LRRC4C: variants seen among roughly 807,000 people sequenced by gnomAD.
The protein encoded by LRRC4C is leucine-rich repeat-containing protein 4C.
Under a neutral mutation model 33.6 loss-of-function variants are expected in LRRC4C, and 5 were observed. The ratio of observed to expected loss-of-function variants is 0.15; its 90% CI spans 0.08 to 0.31. The LOEUF (loss-of-function observed/expected upper bound fraction) is 0.31. LRRC4C is among the 10% of genes least tolerant of loss of function. The pLI, the probability that LRRC4C is intolerant of heterozygous loss-of-function variation, is 1.00. For synonymous variants in LRRC4C, 329 were observed against 302.0 expected, an observed-to-expected ratio of 1.09 and a Z score of -0.93; for missense variants, 560 against 796.7, an observed-to-expected ratio of 0.70 and a Z score of 3.58.
chr11:40,368,784 G>A (rs974461687), intron 3 of LRRC4C, among the ~76,000 whole-genome samples: 38 of 152,054 alleles, frequency 2.5e-4, no homozygotes, highest in East Asian at 3.9e-4. Flanking sequence ...AATGTTACCC[G>A]TCCCCTGGGC....
Position 40,939,906 on chromosome 11 carries a change from T to A in LRRC4C, c.-495-6183A>T, listed in dbSNP as rs142787510. On this transcript the variant is annotated intron_variant, in intron 1 of 6. Transcript: ENST00000528697. Reference sequence around the variant, plus strand: ...GACAGGGGTTTGTTTACTTTGCCCCTGTATTCCCAGCATCAAGGACAGCAC... The same window carrying A: ...GACAGGGGTTTGTTTACTTTGCCCCAGTATTCCCAGCATCAAGGACAGCAC... Among the ~76,000 whole-genome samples the A allele has an allele frequency of 3.4e-3, 522 of 152,282 alleles. 2 individuals carry two copies. The highest frequency in any genetic ancestry group is 0.012 in the African/African-American group (494 of 41,566).
intron 5 of LRRC4C, among the ~76,000 whole-genome samples, chr11:40,210,860 C>A (rs770435410): frequency 1.3e-5 from 2 of 152,164 alleles, no homozygotes; most frequent in African/African-American, 4.8e-5. Flanking sequence ...GCAAGCTCCG[C>A]CTCCCGGGTT....
chr11:40,502,475 G>A (rs1175098043), intron 3 of LRRC4C, among the ~76,000 whole-genome samples: 1 of 152,158 alleles, frequency 6.6e-6, no homozygotes, highest in African/African-American at 2.4e-5. Flanking sequence ...ATGGTGGGAG[G>A]TGAAAGGCAC....
At chr11:41,294,966 A>T (rs1378848111) in intron 1 of LRRC4C, among the ~76,000 whole-genome samples, 1 of 152,200 alleles carries the variant, frequency 6.6e-6, no homozygotes, top group African/African-American at 2.4e-5. Flanking sequence ...TTATTTTTAA[A>T]ATGCATTAAT....
rs147633201 is a variant in LRRC4C, at chr11:40,136,215, G to A, written c.-43+4586C>T. Among the ~76,000 whole-genome samples the A allele has an allele frequency of 4.4e-3, 665 of 150,816 alleles. 5 individuals carry two copies. The highest frequency in any genetic ancestry group is 0.016 in the African/African-American group (645 of 41,024). ...GCAAAGCCTAAAATATTTACCACCT[G>A]GTCTCCTAAAAAAAAAAAAGGCTAC... On this transcript the variant is annotated intron_variant, in intron 6 of 6. Transcript: ENST00000528697.
At chr11:40,259,180 CAT>C (rs748243183) in intron 4 of LRRC4C, among the ~76,000 whole-genome samples, 2 of 152,156 alleles carry the variant, frequency 1.3e-5, no homozygotes, top group Non-Finnish European at 2.9e-5. Context: ...ACCCATCCCT[CAT>C]GTGTTTTTTG....
chr11:40,190,792 G>A (rs746155154), intron 5 of LRRC4C, among the ~76,000 whole-genome samples: 2 of 152,050 alleles, frequency 1.3e-5, no homozygotes, highest in Non-Finnish European at 2.9e-5. Flanking sequence ...AGAGAATCTG[G>A]GTGCTACAGA....
At position 41,119,863 on chromosome 11, in the gene LRRC4C, C is replaced by A. The variant is rs527462842; in HGVS notation, c.-495-186140G>T. On this transcript the variant is annotated intron_variant, in intron 1 of 6. Coordinates refer to ENST00000528697, the MANE Select transcript of LRRC4C (RefSeq NM_001258419.2). ...ATAGATGAGCTGAGGACATTAGTTT[C>A]AATTTTGCAACGCTGAACTTTCAGT... Among the ~76,000 whole-genome samples, 12 of 152,192 alleles carry A rather than the reference C, an allele frequency of 7.9e-5. 1 individual carries two copies. The South Asian group carries it at 2.5e-3, about 32-fold the overall frequency.
chr11:40,313,196 G>A (rs936767224), intron 4 of LRRC4C, among the ~76,000 whole-genome samples: 3 of 151,798 alleles, frequency 2.0e-5, no homozygotes, highest in Non-Finnish European at 1.5e-5. Flanking sequence ...TTTACTCCTC[G>A]CCTCCTCCCA....
chr11:40,565,823 G>T (rs1156561230), intron 3 of LRRC4C, among the ~76,000 whole-genome samples: 4 of 152,048 alleles, frequency 2.6e-5, no homozygotes, highest in Admixed American at 6.6e-5. Context: ...AAAAGCTTTT[G>T]CTTTGTAGTT....
intron 3 of LRRC4C, among the ~76,000 whole-genome samples, chr11:40,599,520 C>G (rs1013789924): frequency 1.2e-4 from 18 of 152,212 alleles, no homozygotes; most frequent in African/African-American, 4.3e-4. Context: ...GGTATCCTGT[C>G]TCATTTTTTG....
chr11:40,610,552 A>G (rs1961107338), intron 3 of LRRC4C, among the ~76,000 whole-genome samples: 1 of 144,290 alleles, frequency 6.9e-6, no homozygotes, highest in Non-Finnish European at 1.6e-5. Context: ...AAGTAACAAA[A>G]AGCGTTCAAA....
At chr11:41,162,236 C>T (rs1427733235) in intron 1 of LRRC4C, among the ~76,000 whole-genome samples, 1 of 152,290 alleles carries the variant, frequency 6.6e-6, no homozygotes, top group East Asian at 1.9e-4. Context: ...GCATGACTAT[C>T]TGACCCTCGG....
intron 1 of LRRC4C, among the ~76,000 whole-genome samples, chr11:41,011,569 C>G (rs1279876526): frequency 1.3e-5 from 2 of 151,636 alleles, no homozygotes; most frequent in Non-Finnish European, 2.9e-5. Context: ...CTTAACCTGC[C>G]CTTTAACAAA....
intron 1 of LRRC4C, among the ~76,000 whole-genome samples, chr11:41,352,464 G>C (rs1689498157): frequency 6.6e-6 from 1 of 151,926 alleles, no homozygotes; most frequent in African/African-American, 2.4e-5. Flanking sequence ...GATCATCAAT[G>C]GAAAGACTAA....
chr11:40,645,441 C>A (rs753960439), intron 3 of LRRC4C, among the ~76,000 whole-genome samples: 5 of 152,086 alleles, frequency 3.3e-5, no homozygotes, highest in Non-Finnish European at 5.9e-5. Context: ...TCCTTTGCCA[C>A]CTGGCTCCCT....
At chr11:40,513,133 C>T (rs1481341862) in intron 3 of LRRC4C, among the ~76,000 whole-genome samples, 1 of 151,258 alleles carries the variant, frequency 6.6e-6, no homozygotes, top group Non-Finnish European at 1.5e-5. Flanking sequence ...CCTGTAATCC[C>T]AGCTACTTGG....
At chr11:40,166,948 A>G (rs1359565786) in intron 5 of LRRC4C, among the ~76,000 whole-genome samples, 1 of 152,166 alleles carries the variant, frequency 6.6e-6, no homozygotes, top group Non-Finnish European at 1.5e-5. Flanking sequence ...GGCCCATGAT[A>G]TAAGTTCATA....
chr11:41,239,554 G>C (rs951352132), intron 1 of LRRC4C, among the ~76,000 whole-genome samples: 11 of 152,146 alleles, frequency 7.2e-5, no homozygotes, highest in African/African-American at 2.4e-4. Flanking sequence ...CTAGGTAGAT[G>C]CAGGTCTCTT....
Sources: gnomAD v4.1 joint callset for allele counts (sites outside exome capture counted in the v4.1 genomes callset) on GRCh38, gnomAD v4.1.1 for gene constraint, MANE v1.5 for transcripts, NCBI Gene and HGNC (gene_info 2026-07-23, HGNC 2026-07-21) for gene names.